The following DDX10 variants were observed in gnomAD, a reference collection of about 807,000 sequenced individuals.
The protein encoded by DDX10 is probable ATP-dependent RNA helicase DDX10.
Under a neutral mutation model 104.3 loss-of-function variants are expected in DDX10, and 74 were observed. The observed-to-expected ratio is 0.71, with a 90% confidence interval of 0.59 to 0.86. The LOEUF is 0.86. Ranked by LOEUF, DDX10 falls within the 40% of genes least tolerant of loss-of-function variation. The pLI is 0.00. For synonymous variants in DDX10, 351 were observed against 353.4 expected (o/e 0.99, Z 0.08); for missense variants, 952 against 1,040.0 (o/e 0.92, Z 1.16).
intron 2 of DDX10, 25 bp from the exon 3 acceptor site, chr11:108,675,571 A>G (rs1565242325): frequency 6.2e-7 from 1 of 1,610,828 alleles, no homozygotes; most frequent in Non-Finnish European, 8.5e-7. Flanking sequence ...CTTCTAAAGT[A>G]TAATTCTTCC....
At chr11:108,910,936 A>G (rs754444613) in intron 16 of DDX10, among the ~76,000 whole-genome samples, 1 of 152,026 alleles carries the variant, frequency 6.6e-6, no homozygotes, top group South Asian at 2.1e-4. Flanking sequence ...ATGAAGAGAA[A>G]GAAGCATGTT....
intron 13 of DDX10, among the ~76,000 whole-genome samples, chr11:108,736,261 T>C (rs2094318267): frequency 6.6e-6 from 1 of 152,194 alleles, no homozygotes; most frequent in South Asian, 2.1e-4. Flanking sequence ...TCTGTTTGTT[T>C]CTTCTGTTTA....
At chr11:108,920,478 A>G (rs1024493780) in intron 17 of DDX10, 1 of 152,154 alleles carries the variant, frequency 6.6e-6, no homozygotes. Flanking sequence ...AGGGCTTCCT[A>G]GCAGGTTTTT....
intron 13 of DDX10, among the ~76,000 whole-genome samples, chr11:108,745,748 A>C (rs1384773311): frequency 6.6e-6 from 1 of 152,152 alleles, no homozygotes. Context: ...TAATAGTTTG[A>C]ATTTTTATTG....
chr11:108,864,309 T>C (rs868269490), intron 16 of DDX10, among the ~76,000 whole-genome samples: 8 of 152,202 alleles, frequency 5.3e-5, no homozygotes, highest in Middle Eastern at 3.4e-3. Flanking sequence ...ATCAGAATCA[T>C]TGGGGTAGGG....
intron 13 of DDX10, chr11:108,822,554 G>T: frequency 4.7e-6 from 1 of 211,472 alleles, no homozygotes; most frequent in South Asian, 7.9e-5. Flanking sequence ...AGACTATGGA[G>T]ATTAGGCCCA....
At chr11:108,682,938 A>G (rs1219391336) in intron 6 of DDX10, among the ~76,000 whole-genome samples, 4 of 152,088 alleles carry the variant, frequency 2.6e-5, no homozygotes, top group African/African-American at 9.7e-5. Flanking sequence ...TTTCTGTCAA[A>G]GTCATCTGAC....
intron 13 of DDX10, among the ~76,000 whole-genome samples, chr11:108,837,541 G>A (rs924466975): frequency 6.9e-6 from 1 of 144,112 alleles, no homozygotes; most frequent in African/African-American, 2.6e-5. Flanking sequence ...GTGGTTTTAG[G>A]TTGTGAGCTA....
intron 13 of DDX10, among the ~76,000 whole-genome samples, chr11:108,768,821 G>A (rs1426337520): frequency 1.3e-5 from 2 of 150,164 alleles, no homozygotes; most frequent in Non-Finnish European, 1.5e-5. Flanking sequence ...TTTTTGCCCC[G>A]TTTTAAAAAT....
At chr11:108,846,160 G>A (rs1862715120) in intron 15 of DDX10, among the ~76,000 whole-genome samples, 1 of 152,054 alleles carries the variant, frequency 6.6e-6, no homozygotes, top group African/African-American at 2.4e-5. Flanking sequence ...ATAATTGTAT[G>A]TATGGGGTAC....
chr11:108,869,322 ATCT>A (rs899978180), intron 16 of DDX10, among the ~76,000 whole-genome samples: 14 of 152,028 alleles, frequency 9.2e-5, no homozygotes, highest in African/African-American at 3.4e-4. Context: ...TTCATCACTC[ATCT>A]TCTCTTTGAA....
chr11:108,737,917 A>T (rs1283045913), intron 13 of DDX10, among the ~76,000 whole-genome samples: 1 of 152,118 alleles, frequency 6.6e-6, no homozygotes, highest in Non-Finnish European at 1.5e-5. Context: ...GTGCATTTTC[A>T]TATGCACTGA....
intron 13 of DDX10, among the ~76,000 whole-genome samples, chr11:108,727,012 T>A (rs1227821343): frequency 1.3e-5 from 2 of 152,110 alleles, no homozygotes; most frequent in Non-Finnish European, 1.5e-5. Context: ...GAATCAAATT[T>A]AAATTCCTTT....
chr11:108,725,024 A>C (rs563768186), intron 13 of DDX10, among the ~76,000 whole-genome samples: 2 of 152,198 alleles, frequency 1.3e-5, no homozygotes, highest in South Asian at 4.1e-4. Flanking sequence ...AACCTCTGGC[A>C]ACCACTGATC....
At chr11:108,779,160 C>T (rs1317288222) in intron 13 of DDX10, among the ~76,000 whole-genome samples, 1 of 152,090 alleles carries the variant, frequency 6.6e-6, no homozygotes, top group Non-Finnish European at 1.5e-5. Flanking sequence ...CTAGAAATAC[C>T]ATTTGACCCA....
intron 16 of DDX10, among the ~76,000 whole-genome samples, chr11:108,854,251 G>A (rs1229458386): frequency 6.6e-6 from 1 of 152,182 alleles, no homozygotes; most frequent in African/African-American, 2.4e-5. Context: ...ACCCAGAAGA[G>A]ATTATTTGGA....
rs559023646 is a variant in DDX10 at position 108,900,166 on chromosome 11, T to C, written c.2305-17707T>C. ...CCTCCCCTCGCTCCTGTTCTTGCCATGTGAGACACTGGCTCTCCCTTTGCC... is the reference window on the plus strand; with the variant it reads ...CCTCCCCTCGCTCCTGTTCTTGCCACGTGAGACACTGGCTCTCCCTTTGCC... On this transcript the variant is annotated intron_variant, in intron 16 of 17. Coordinates refer to ENST00000322536, the MANE Select transcript of DDX10 (RefSeq NM_004398.4). Among the ~76,000 whole-genome samples, 72 of 152,170 alleles carry C rather than the reference T, an allele frequency of 4.7e-4. 1 individual carries two copies. In the Middle Eastern group the frequency reaches 0.01, roughly 22 times the overall value.
intron 13 of DDX10, among the ~76,000 whole-genome samples, chr11:108,825,888 T>C (rs964575716): frequency 1.3e-5 from 2 of 152,204 alleles, no homozygotes; most frequent in Admixed American, 6.5e-5. Context: ...ATAGGAAATG[T>C]AGGCAGTCAT....
intron 15 of DDX10, among the ~76,000 whole-genome samples, chr11:108,849,687 T>G (rs1319256029): frequency 6.6e-6 from 1 of 152,076 alleles, no homozygotes; most frequent in East Asian, 1.9e-4. Context: ...TTTGCCTTCT[T>G]TTTTTGTAGC....
Sources: gnomAD v4.1 joint callset for allele counts (sites outside exome capture counted in the v4.1 genomes callset) on GRCh38, gnomAD v4.1.1 for gene constraint, MANE v1.5 for transcripts, NCBI Gene and HGNC (gene_info 2026-07-23, HGNC 2026-07-21) for gene names.